GSK3B: variants seen among roughly 807,000 people sequenced by gnomAD.
The protein encoded by GSK3B is glycogen synthase kinase-3 beta.
A neutral mutation model predicts 56.4 loss-of-function variants in GSK3B; 15 were observed. The observed-to-expected ratio is 0.27, with a 90% CI of 0.18 to 0.41. The LOEUF is 0.41. Among genes scored for constraint, GSK3B ranks in the 10% least tolerant of loss-of-function variants. The probability of loss-of-function intolerance (pLI) is 1.00; values close to 1 mark genes in which losing one functional copy is unlikely to be tolerated. For synonymous variants in GSK3B, 181 were observed against 188.9 expected, an observed-to-expected ratio of 0.96 and a Z score of 0.34; for missense variants, 300 against 513.4, an observed-to-expected ratio of 0.58 and a Z score of 4.02.
chr3:119,948,856 G>A (rs1422342519), intron 2 of GSK3B, among the ~76,000 whole-genome samples: 3 of 151,978 alleles, frequency 2.0e-5, no homozygotes, highest in African/African-American at 4.8e-5. Context: ...CTGCCACCAC[G>A]CCCAGCTAAT....
At chr3:120,025,281 T>C (rs974910599) in intron 1 of GSK3B, among the ~76,000 whole-genome samples, 5 of 152,282 alleles carry the variant, frequency 3.3e-5, no homozygotes, top group African/African-American at 9.6e-5. Context: ...GAGGCGGAAG[T>C]TGCAATGAGC....
At chr3:119,934,970 TTAAAA>T (rs2056980604) in intron 3 of GSK3B, among the ~76,000 whole-genome samples, 1 of 152,116 alleles carries the variant, frequency 6.6e-6, no homozygotes, top group Non-Finnish European at 1.5e-5. Context: ...TGCTGAAATA[TTAAAA>T]TAACATAAAA....
intron 4 of GSK3B, among the ~76,000 whole-genome samples, chr3:119,921,096 G>C (rs1376164428): frequency 6.6e-6 from 1 of 152,088 alleles, no homozygotes; most frequent in East Asian, 1.9e-4. Context: ...GCAAGGAAAC[G>C]GTCAAATATT....
intron 2 of GSK3B, among the ~76,000 whole-genome samples, chr3:119,981,868 T>C (rs534395780): frequency 6.6e-6 from 1 of 152,350 alleles, no homozygotes; most frequent in South Asian, 2.1e-4. Flanking sequence ...ATTTGAGCTC[T>C]GAGAACAGAC....
chr3:119,876,327 A>G (rs2056313033), intron 8 of GSK3B, 86 bp downstream of exon 8: 1 of 750,126 alleles, frequency 1.3e-6, no homozygotes, highest in Admixed American at 2.0e-5. Context: ...TCATGCAACT[A>G]TCTGATCTCA....
intron 2 of GSK3B, among the ~76,000 whole-genome samples, chr3:119,992,929 T>G (rs1168125793): frequency 6.6e-6 from 1 of 151,906 alleles, no homozygotes; most frequent in Non-Finnish European, 1.5e-5. Context: ...GTAAGGCAAC[T>G]TTTATAGCCA....
chr3:119,990,508 TTAAG>T (rs1418753971), intron 2 of GSK3B, among the ~76,000 whole-genome samples: 1 of 152,242 alleles, frequency 6.6e-6, no homozygotes, highest in Admixed American at 6.5e-5. Flanking sequence ...TTCAAAATTA[TTAAG>T]TAAGACCAAA....
At chr3:119,866,937 A>G (rs1329126727) in intron 8 of GSK3B, among the ~76,000 whole-genome samples, 4 of 152,202 alleles carry the variant, frequency 2.6e-5, no homozygotes, top group Non-Finnish European at 5.9e-5. Flanking sequence ...AAAAAAATAC[A>G]AAACCAAAAA....
At chr3:119,903,315 T>A (rs995264656) in intron 7 of GSK3B, among the ~76,000 whole-genome samples, 1 of 152,192 alleles carries the variant, frequency 6.6e-6, no homozygotes, top group African/African-American at 2.4e-5. Flanking sequence ...TTATCTTATA[T>A]CATTATCAAA....
intron 9 of GSK3B, among the ~76,000 whole-genome samples, chr3:119,850,453 A>T (rs918247317): frequency 6.6e-6 from 1 of 152,162 alleles, no homozygotes; most frequent in African/African-American, 2.4e-5. Context: ...GTTACTTACA[A>T]CTTTTCCCTG....
chr3:120,083,844 G>A (rs545607546), intron 1 of GSK3B, among the ~76,000 whole-genome samples: 2 of 152,270 alleles, frequency 1.3e-5, no homozygotes, highest in African/African-American at 4.8e-5. Context: ...ACTAATACAT[G>A]CTATAACATG....
At chr3:119,992,595 G>A (rs2057575846) in intron 2 of GSK3B, among the ~76,000 whole-genome samples, 1 of 151,406 alleles carries the variant, frequency 6.6e-6, no homozygotes, top group Non-Finnish European at 1.5e-5. Flanking sequence ...AGATAAAAGA[G>A]CAATAAATTC....
chr3:119,842,972 G>C (rs2055797299), intron 10 of GSK3B, among the ~76,000 whole-genome samples: 1 of 151,878 alleles, frequency 6.6e-6, no homozygotes. Context: ...CTGGAGTGCA[G>C]TGGCGCAATC....
rs372459467 is a variant in GSK3B at position 120,026,179 on chromosome 3, G to A, written c.89-23940C>T. On this transcript the variant is annotated intron_variant, in intron 1 of 10. Coordinates refer to ENST00000264235, the MANE Select transcript of GSK3B (RefSeq NM_001146156.2). ...AAATAAACACTCAAGGCTAACAAGC[G>A]ATACAATAAAACCAGGTGCTCTCAA... Among the ~76,000 whole-genome samples, 26 of 152,150 alleles carry A rather than the reference G, an allele frequency of 1.7e-4. No homozygotes were observed. In the East Asian group the frequency reaches 1.9e-3, roughly 11 times the overall value.
At chr3:120,039,652 G>GA (rs1306737390) in intron 1 of GSK3B, among the ~76,000 whole-genome samples, 1 of 152,028 alleles carries the variant, frequency 6.6e-6, no homozygotes, top group Non-Finnish European at 1.5e-5. Context: ...TTCTTATTTG[G>GA]AAAAAATATT....
chr3:119,995,355 T>C (rs1037685304), intron 2 of GSK3B, among the ~76,000 whole-genome samples: 1 of 151,512 alleles, frequency 6.6e-6, no homozygotes, highest in South Asian at 2.1e-4. Flanking sequence ...ATAATATATA[T>C]AGAGAGGAAG....
chr3:119,992,695 T>G (rs777834590), intron 2 of GSK3B, among the ~76,000 whole-genome samples: 2 of 151,444 alleles, frequency 1.3e-5, no homozygotes, highest in Admixed American at 6.6e-5. Flanking sequence ...ACACCTAATA[T>G]AAATTCCATA....
intron 3 of GSK3B, among the ~76,000 whole-genome samples, chr3:119,941,297 C>T (rs1423534379): frequency 6.6e-6 from 1 of 152,142 alleles, no homozygotes; most frequent in African/African-American, 2.4e-5. Flanking sequence ...GGATTACAGG[C>T]GTAAACCACC....
intron 9 of GSK3B, among the ~76,000 whole-genome samples, chr3:119,853,719 G>T (rs1408345279): frequency 6.6e-6 from 1 of 152,122 alleles, no homozygotes; most frequent in African/African-American, 2.4e-5. Flanking sequence ...TTGGCTCTCT[G>T]TTTGTCTGTT....
Sources: gnomAD v4.1 joint callset for allele counts (sites outside exome capture counted in the v4.1 genomes callset) on GRCh38, gnomAD v4.1.1 for gene constraint, MANE v1.5 for transcripts, NCBI Gene and HGNC (gene_info 2026-07-23, HGNC 2026-07-21) for gene names.